SLC24A3: variants seen among roughly 807,000 people sequenced by gnomAD.
SLC24A3 encodes solute carrier family 24 member 3, also known as sodium/potassium/calcium exchanger 3.
SLC24A3 carries 28 observed loss-of-function variants against 75.8 expected under a neutral mutation model. The observed-to-expected ratio is 0.37, with a 90% confidence interval of 0.27 to 0.51. SLC24A3 has a LOEUF of 0.51. Among genes scored for constraint, SLC24A3 ranks in the 20% least tolerant of loss-of-function variants. The pLI is 0.94. For synonymous variants in SLC24A3, 372 were observed against 334.1 expected (o/e 1.11, Z -1.24); for missense variants, 663 against 847.8 (o/e 0.78, Z 2.71).
At chr20:19,475,103 C>T (rs1265525819) in intron 2 of SLC24A3, among the ~76,000 whole-genome samples, 1 of 152,114 alleles carries the variant, frequency 6.6e-6, no homozygotes, top group Non-Finnish European at 1.5e-5. Flanking sequence ...CTTTCGGAGG[C>T]CGAGGTGGGA....
intron 2 of SLC24A3, among the ~76,000 whole-genome samples, chr20:19,482,731 T>C (rs763167129): frequency 6.6e-6 from 1 of 152,242 alleles, no homozygotes; most frequent in Non-Finnish European, 1.5e-5. Flanking sequence ...AACCTATACC[T>C]TGCTGAAATA....
At chr20:19,388,212 C>T (rs1458487884) in intron 2 of SLC24A3, among the ~76,000 whole-genome samples, 2 of 152,124 alleles carry the variant, frequency 1.3e-5, no homozygotes, top group South Asian at 4.1e-4. Context: ...ACTATCCCTA[C>T]TATTGTATTG....
chr20:19,362,848 T>C (rs1985815950), intron 2 of SLC24A3, among the ~76,000 whole-genome samples: 1 of 152,176 alleles, frequency 6.6e-6, no homozygotes, highest in Admixed American at 6.5e-5. Context: ...AAAAATAAGG[T>C]TGCCTTATGC....
chr20:19,668,319 A>G (rs1269521800), intron 8 of SLC24A3, among the ~76,000 whole-genome samples: 2 of 152,344 alleles, frequency 1.3e-5, no homozygotes, highest in Admixed American at 6.5e-5. Context: ...CACTTCTTCT[A>G]TCTTCTTACC....
intron 2 of SLC24A3, among the ~76,000 whole-genome samples, chr20:19,473,644 T>C (rs1987911955): frequency 6.6e-6 from 1 of 152,262 alleles, no homozygotes; most frequent in Non-Finnish European, 1.5e-5. Flanking sequence ...TTCCAGCCTC[T>C]GAGCTCTCTC....
intron 2 of SLC24A3, among the ~76,000 whole-genome samples, chr20:19,384,773 G>A (rs1368931971): frequency 2.0e-5 from 3 of 152,122 alleles, no homozygotes; most frequent in African/African-American, 7.2e-5. Context: ...TTCCATAATG[G>A]TGGTACTAAT....
chr20:19,684,029 A>G, intron 10 of SLC24A3, 147 bp from the exon 11 acceptor site: 1 of 838,582 alleles, frequency 1.2e-6, no homozygotes, highest in South Asian at 1.9e-5. Flanking sequence ...ATAAGGAAAG[A>G]AGAGTGGATG....
intron 2 of SLC24A3, among the ~76,000 whole-genome samples, chr20:19,454,030 T>A (rs1265574411): frequency 6.6e-6 from 1 of 152,238 alleles, no homozygotes; most frequent in Non-Finnish European, 1.5e-5. Flanking sequence ...TAATGAATTA[T>A]TCCTTGAAGC....
intron 1 of SLC24A3, among the ~76,000 whole-genome samples, chr20:19,215,059 T>A (rs1255043807): frequency 6.6e-6 from 1 of 152,198 alleles, no homozygotes; most frequent in African/African-American, 2.4e-5. Context: ...ATGATTTTGG[T>A]ATGTGATGCA....
chr20:19,280,301 T>A (rs1983620329), intron 1 of SLC24A3, among the ~76,000 whole-genome samples: 1 of 152,222 alleles, frequency 6.6e-6, no homozygotes, highest in Non-Finnish European at 1.5e-5. Flanking sequence ...ATTGAAAACA[T>A]GCTGTGTGGC....
At chr20:19,472,495 C>T (rs1033598171) in intron 2 of SLC24A3, among the ~76,000 whole-genome samples, 3 of 152,232 alleles carry the variant, frequency 2.0e-5, no homozygotes, top group Non-Finnish European at 4.4e-5. Flanking sequence ...ACTTCAGCTT[C>T]ACACATGTGG....
chr20:19,710,725 C>T (rs2032978307), intron 15 of SLC24A3, among the ~76,000 whole-genome samples: 1 of 152,114 alleles, frequency 6.6e-6, no homozygotes, highest in South Asian at 2.1e-4. Flanking sequence ...CTTAGCATGC[C>T]TCAAGAAAGT....
Position 19,602,924 on chromosome 20 carries a change from G to A in SLC24A3, c.612+17380G>A, listed in dbSNP as rs1314319435. On this transcript the variant is annotated intron_variant, in intron 6 of 16. Coordinates refer to ENST00000328041, the MANE Select transcript of SLC24A3 (RefSeq NM_020689.4). ...CTGGAGGCATCAGCCAGCTGAGGGG[G>A]GCTCATCACACCCGCACCGTGGTTC... 2.6e-5 allele frequency among the ~76,000 whole-genome samples: 4 copies of A among 152,284 alleles called. No individual in the cohort carries two copies. In the East Asian group the frequency reaches 7.7e-4, roughly 29 times the overall value.
intron 2 of SLC24A3, among the ~76,000 whole-genome samples, chr20:19,391,838 C>T (rs1022203678): frequency 3.9e-5 from 6 of 152,178 alleles, no homozygotes; most frequent in Non-Finnish European, 7.3e-5. Flanking sequence ...ACTCCTCTGG[C>T]CTCTTGAGGC....
At chr20:19,238,239 G>A (rs1019647471) in intron 1 of SLC24A3, among the ~76,000 whole-genome samples, 26 of 152,124 alleles carry the variant, frequency 1.7e-4, no homozygotes, top group Non-Finnish European at 4.4e-5. Context: ...CTGTTCTTGT[G>A]CCGTTTGTCA....
chr20:19,623,473 A>G (rs577633931), intron 6 of SLC24A3, among the ~76,000 whole-genome samples: 1 of 152,318 alleles, frequency 6.6e-6, no homozygotes, highest in East Asian at 1.9e-4. Flanking sequence ...AGTAATGTCT[A>G]TTAGAGGTTC....
At chr20:19,596,029 A>G (rs966231628) in intron 6 of SLC24A3, among the ~76,000 whole-genome samples, 1 of 152,136 alleles carries the variant, frequency 6.6e-6, no homozygotes, top group Non-Finnish European at 1.5e-5. Context: ...GGGAGTGCTC[A>G]GAGAGGTGGT....
intron 1 of SLC24A3, among the ~76,000 whole-genome samples, chr20:19,223,917 A>G (rs946645931): frequency 6.6e-6 from 1 of 152,244 alleles, no homozygotes; most frequent in Non-Finnish European, 1.5e-5. Flanking sequence ...GGGATGATTT[A>G]TGTCCCAGGC....
At chr20:19,214,213 G>C (rs932289448) in intron 1 of SLC24A3, among the ~76,000 whole-genome samples, 1 of 152,152 alleles carries the variant, frequency 6.6e-6, no homozygotes, top group Non-Finnish European at 1.5e-5. Flanking sequence ...TAATAGCAGA[G>C]AGTCCGTCTT....
Sources: gnomAD v4.1 joint callset for allele counts (sites outside exome capture counted in the v4.1 genomes callset) on GRCh38, gnomAD v4.1.1 for gene constraint, MANE v1.5 for transcripts, NCBI Gene and HGNC (gene_info 2026-07-23, HGNC 2026-07-21) for gene names.